The following AUTS2 variants were observed in gnomAD, a reference collection of about 807,000 sequenced individuals.
AUTS2 encodes the protein autism susceptibility gene 2 protein.
Under a neutral mutation model 112.4 loss-of-function variants are expected in AUTS2, and 17 were observed. The observed-to-expected ratio is 0.15, with a 90% CI of 0.10 to 0.23. The LOEUF (loss-of-function observed/expected upper bound fraction) is 0.23. Ranked by LOEUF, AUTS2 falls within the 10% of genes least tolerant of loss-of-function variation. The pLI, the probability that AUTS2 is intolerant of heterozygous loss-of-function variation, is 1.00. For synonymous variants in AUTS2, 751 were observed against 702.7 expected, an observed-to-expected ratio of 1.07 and a Z score of -1.09; for missense variants, 1,510 against 1,701.6, an observed-to-expected ratio of 0.89 and a Z score of 1.98.
chr7:70,326,312 A>G (rs1390453096), intron 4 of AUTS2, among the ~76,000 whole-genome samples: 1 of 151,908 alleles, frequency 6.6e-6, no homozygotes, highest in South Asian at 2.1e-4. Context: ...CACTTCTCCC[A>G]AGGCAGCCTT....
chr7:69,713,554 A>G (rs895521051), intron 1 of AUTS2, among the ~76,000 whole-genome samples: 3 of 148,376 alleles, frequency 2.0e-5, no homozygotes, highest in Non-Finnish European at 4.4e-5. Context: ...TCTGCCTCCC[A>G]GGTTAAAGAG....
At chr7:70,425,792 C>T (rs1334074549) in intron 4 of AUTS2, among the ~76,000 whole-genome samples, 2 of 152,126 alleles carry the variant, frequency 1.3e-5, no homozygotes, top group African/African-American at 2.4e-5. Context: ...ATTTCCAACA[C>T]CTGGCTCATG....
chr7:70,090,764 C>T (rs1452219825), intron 2 of AUTS2, among the ~76,000 whole-genome samples: 1 of 151,078 alleles, frequency 6.6e-6, no homozygotes, highest in East Asian at 1.9e-4. Flanking sequence ...CTGCCGCCTT[C>T]GCCTCTTGGG....
intron 4 of AUTS2, among the ~76,000 whole-genome samples, chr7:70,395,691 C>T (rs775972296): frequency 2.0e-5 from 3 of 152,026 alleles, no homozygotes; most frequent in Non-Finnish European, 2.9e-5. Flanking sequence ...AGGATTGTTT[C>T]CAGAATTATC....
chr7:69,669,890 C>T (rs1326341832), intron 1 of AUTS2, among the ~76,000 whole-genome samples: 1 of 152,040 alleles, frequency 6.6e-6, no homozygotes, highest in African/African-American at 2.4e-5. Flanking sequence ...GTGCTTTGTT[C>T]CAGATCTGAG....
chr7:70,101,659 C>G (rs956193246), intron 2 of AUTS2, among the ~76,000 whole-genome samples: 2 of 152,146 alleles, frequency 1.3e-5, no homozygotes, highest in Non-Finnish European at 1.5e-5. Context: ...TGTGCTACTG[C>G]ACTCCAGCCT....
At chr7:70,074,951 A>G (rs1302767871) in intron 2 of AUTS2, among the ~76,000 whole-genome samples, 1 of 152,166 alleles carries the variant, frequency 6.6e-6, no homozygotes, top group Non-Finnish European at 1.5e-5. Context: ...TGAGCTCAGT[A>G]TTTCATGTAC....
At chr7:70,223,437 T>C (rs1031486176) in intron 4 of AUTS2, among the ~76,000 whole-genome samples, 7 of 152,174 alleles carry the variant, frequency 4.6e-5, no homozygotes, top group Non-Finnish European at 8.8e-5. Flanking sequence ...CATCATAGCC[T>C]GGTAAGGTTA....
Position 69,623,990 on chromosome 7 carries a change from G to A in AUTS2, c.309+24028G>A, listed in dbSNP as rs193233467. ...ATATAATAAGGTGTAAGTGAAAAAAGCATTGTCTTTTGGTAGGTGGTGTTT... is the reference window on the plus strand; with the variant it reads ...ATATAATAAGGTGTAAGTGAAAAAAACATTGTCTTTTGGTAGGTGGTGTTT... On this transcript the variant is annotated intron_variant, in intron 1 of 18. Coordinates refer to ENST00000342771, the MANE Select transcript of AUTS2 (RefSeq NM_015570.4). Among the ~76,000 whole-genome samples the A allele has an allele frequency of 2.0e-3, 298 of 152,252 alleles. 1 individual carries two copies. The highest frequency in any genetic ancestry group is 6.7e-3 in the African/African-American group (278 of 41,550).
chr7:69,825,085 A>T (rs1244647607), intron 1 of AUTS2, among the ~76,000 whole-genome samples: 1 of 152,206 alleles, frequency 6.6e-6, no homozygotes, highest in Non-Finnish European at 1.5e-5. Flanking sequence ...TTTAGCCAGT[A>T]AGTAGAGCTT....
intron 1 of AUTS2, among the ~76,000 whole-genome samples, chr7:69,879,635 C>G (rs1793956973): frequency 6.6e-6 from 1 of 152,154 alleles, no homozygotes; most frequent in Non-Finnish European, 1.5e-5. Context: ...TAAATTCTCA[C>G]AAAAATCCTA....
chr7:70,720,914 G>A (rs996904863), intron 6 of AUTS2, among the ~76,000 whole-genome samples: 1 of 152,072 alleles, frequency 6.6e-6, no homozygotes, highest in African/African-American at 2.4e-5. Flanking sequence ...AAGTGAAAAG[G>A]TCTTAAACAC....
At chr7:69,671,177 A>G (rs1294933224) in intron 1 of AUTS2, among the ~76,000 whole-genome samples, 1 of 152,174 alleles carries the variant, frequency 6.6e-6, no homozygotes, top group Non-Finnish European at 1.5e-5. Context: ...TTGTGCTTCT[A>G]CCACCTTCTT....
intron 2 of AUTS2, among the ~76,000 whole-genome samples, chr7:69,988,144 T>C (rs1343221935): frequency 6.6e-6 from 1 of 152,214 alleles, no homozygotes; most frequent in Non-Finnish European, 1.5e-5. Flanking sequence ...AAAAATGATA[T>C]TTGCCTTTTT....
intron 1 of AUTS2, among the ~76,000 whole-genome samples, chr7:69,710,603 A>G (rs1798273076): frequency 6.6e-6 from 1 of 152,228 alleles, no homozygotes; most frequent in Admixed American, 6.5e-5. Flanking sequence ...TATGCCGATT[A>G]TGTCCTACTT....
chr7:69,633,952 C>T (rs997660673), intron 1 of AUTS2, among the ~76,000 whole-genome samples: 42 of 151,646 alleles, frequency 2.8e-4, no homozygotes, highest in African/African-American at 9.7e-4. Context: ...TTGCTGCAGC[C>T]CCATATGTTT....
At chr7:70,774,370 T>TC in intron 12 of AUTS2, 1 of 427,382 alleles carries the variant, frequency 2.3e-6, no homozygotes. Flanking sequence ...CAGTGTCAGC[T>TC]TGTATAGTTT....
intron 4 of AUTS2, among the ~76,000 whole-genome samples, chr7:70,416,198 A>G (rs1794980447): frequency 6.6e-6 from 1 of 152,202 alleles, no homozygotes. Flanking sequence ...GATATGTGCA[A>G]TTTGTCATTT....
intron 4 of AUTS2, among the ~76,000 whole-genome samples, chr7:70,284,317 A>G (rs1026714042): frequency 1.3e-4 from 20 of 152,198 alleles, no homozygotes; most frequent in South Asian, 2.1e-4. Context: ...TATCACTTTA[A>G]TGGCATGGCT....
Sources: allele counts gnomAD v4.1 joint callset (sites outside exome capture counted in the v4.1 genomes callset), GRCh38; gene constraint gnomAD v4.1.1; transcripts MANE v1.5; gene names NCBI Gene and HGNC (gene_info 2026-07-23, HGNC 2026-07-21).